LAMB1: variants seen among roughly 807,000 people sequenced by gnomAD.
LAMB1 encodes laminin subunit beta-1.
LAMB1 carries 121 observed loss-of-function variants against 222.3 expected under a neutral mutation model. That is an observed-to-expected ratio of 0.54 (90% CI 0.47 to 0.63). The LOEUF (loss-of-function observed/expected upper bound fraction) is 0.63, where lower values mean the gene tolerates loss of function less well. LAMB1 is among the 30% of genes least tolerant of loss of function. The probability of loss-of-function intolerance (pLI) is 0.00; values close to 1 mark genes in which losing one functional copy is unlikely to be tolerated. For missense variants in LAMB1, 2,172 were observed against 2,240.8 expected (o/e 0.97, Z 0.62); for synonymous variants, 794 against 807.2 (o/e 0.98, Z 0.28).
chr7:107,932,477 G>T, intron 27 of LAMB1, 100 bp from the exon 28 acceptor site: 1 of 1,136,442 alleles, frequency 8.8e-7, no homozygotes, highest in Non-Finnish European at 1.3e-6. Flanking sequence ...ATGTGTAGGT[G>T]GTCCTCAGCA....
intron 24 of LAMB1, among the ~76,000 whole-genome samples, chr7:107,950,050 T>C (rs2033207432): frequency 6.6e-6 from 1 of 152,072 alleles, no homozygotes; most frequent in Non-Finnish European, 1.5e-5. Flanking sequence ...ACCAATATGG[T>C]GAAACCCCAT....
At chr7:107,954,726 G>C (rs1421390734) in intron 21 of LAMB1, among the ~76,000 whole-genome samples, 1 of 152,178 alleles carries the variant, frequency 6.6e-6, no homozygotes, top group African/African-American at 2.4e-5. Flanking sequence ...GGGAGGCGGA[G>C]CTTGCAGTGA....
In LAMB1 at chr7:107,929,197, G is replaced by T. The variant is rs1020841982; in HGVS notation, c.4754C>A (p.Ala1585Glu). The T allele has an allele frequency of 6.2e-7, 1 of 1,613,900 alleles. No individual in the cohort carries two copies. Residue 1585 changes from alanine (A) to glutamate (E), a missense_variant, in exon 31 of 34, where the codon GCA (alanine) becomes GAA (glutamate). Transcript: ENST00000222399. The stretch of plus-strand genomic sequence containing the variant: ...ATCTGCAGTGACTTTAACATCTGTT[G>T]CACTTTTGCTGAGTAAAAAATAATG... The part of the protein sequence containing the change: ...LEEAKRASKS[A>E]TDVKVTADMV...
At chr7:107,937,327 A>G (rs1289789163) in intron 25 of LAMB1, 50 bp from the exon 26 acceptor site, 3 of 1,464,662 alleles carry the variant, frequency 2.0e-6, no homozygotes, top group African/African-American at 1.4e-5. Context: ...CCAAGGGAGA[A>G]CTTTCACGTT....
intron 15 of LAMB1, among the ~76,000 whole-genome samples, chr7:107,962,680 C>T (rs891843129): frequency 6.8e-6 from 1 of 146,502 alleles, no homozygotes; most frequent in African/African-American, 2.5e-5. Flanking sequence ...CACCACTGCA[C>T]TCCAGCCTGG....
chr7:107,975,979 A>G, intron 9 of LAMB1, 102 bp from the exon 10 acceptor site: 1 of 986,254 alleles, frequency 1.0e-6, no homozygotes, highest in Non-Finnish European at 1.5e-6. Flanking sequence ...GACTAAGTTC[A>G]GACAAAATGG....
chr7:107,938,626 G>A (rs2032906757), intron 25 of LAMB1, among the ~76,000 whole-genome samples: 1 of 152,228 alleles, frequency 6.6e-6, no homozygotes, highest in Non-Finnish European at 1.5e-5. Flanking sequence ...GGCTCTCAAA[G>A]GACACCAGAT....
rs184589757 is a variant in LAMB1, at chr7:107,953,685, G to A, written c.2924C>T (p.Pro975Leu). The A allele has an allele frequency of 2.5e-5, 40 of 1,614,164 alleles. No individual in the cohort carries two copies. Among genetic ancestry groups the A allele is most frequent in the Non-Finnish European group, 3.4e-5 (40 of 1,180,030 alleles). Residue 975 changes from proline (P) to leucine (L), a missense_variant, in exon 22 of 34, where the codon CCT becomes CTT. By Grantham distance (98) the Pro-to-Leu change is moderately conservative. Transcript: ENST00000222399. ...NPSEVGGSCQPCQCHNNIDTT... is the reference protein window; with the variant it reads ...NPSEVGGSCQLCQCHNNIDTT... ...GTCAATGTTGTTGTGACACTGGCAAGGCTGACACGACCCCCCAACTTCTGA... is the reference window on the plus strand; with the variant it reads ...GTCAATGTTGTTGTGACACTGGCAAAGCTGACACGACCCCCCAACTTCTGA...
chr7:107,973,705 G>T (rs1259744838), intron 12 of LAMB1, among the ~76,000 whole-genome samples: 1 of 152,134 alleles, frequency 6.6e-6, no homozygotes, highest in African/African-American at 2.4e-5. Flanking sequence ...GAGTGCAGTG[G>T]TGTGATCCCA....
At chr7:107,963,838 C>T (rs1036403151) in intron 14 of LAMB1, among the ~76,000 whole-genome samples, 9 of 152,216 alleles carry the variant, frequency 5.9e-5, no homozygotes, top group African/African-American at 2.2e-4. Flanking sequence ...GTGGCTCACG[C>T]CTGTAATCCC....
At chr7:107,995,775 T>C (rs1304254338) in intron 4 of LAMB1, among the ~76,000 whole-genome samples, 1 of 152,210 alleles carries the variant, frequency 6.6e-6, no homozygotes, top group Non-Finnish European at 1.5e-5. Context: ...CTTGCCACGC[T>C]TCTTGTGTTT....
chr7:107,995,042 ATT>A, intron 4 of LAMB1, 82 bp from the exon 5 acceptor site: 1 of 728,008 alleles, frequency 1.4e-6, no homozygotes, highest in Non-Finnish European at 2.3e-6. Flanking sequence ...TATTTTTTAA[ATT>A]ACTTTTATGT....
Position 108,001,407 on chromosome 7 carries a change from G to T in LAMB1, c.213+151C>A, listed in dbSNP as rs2034379925. On this transcript the variant is annotated intron_variant, in intron 3 of 33. Coordinates refer to ENST00000222399, the MANE Select transcript of LAMB1 (RefSeq NM_002291.3). ...CTGTGCAAACTGAGATGGGGCGAAA[G>T]GTTGAGCTACAAGCCTAATCCCGGG... The T allele has an allele frequency of 1.9e-5, 16 of 841,930 alleles. No homozygotes were observed. The South Asian group carries it at 2.9e-4, about 15-fold the overall frequency. The allele number at this position is 841,930 out of a possible 1,614,324, so 52.2% of individuals were successfully genotyped here.
rs1451358102 is a variant in LAMB1, at chr7:108,003,143, G to A, written c.-119C>T. ...CGCGAGCTCTCGCCCTGCTCCGGGAGCCCCCGAGCCCAAAGAAGGGAATTA... is the reference window on the plus strand; with the variant it reads ...CGCGAGCTCTCGCCCTGCTCCGGGAACCCCCGAGCCCAAAGAAGGGAATTA... On this transcript the variant is annotated 5_prime_UTR_variant, in exon 1 of 34. Coordinates refer to ENST00000222399, the MANE Select transcript of LAMB1 (RefSeq NM_002291.3). 1.6e-5 allele frequency: 10 copies of A among 639,472 alleles called. No homozygotes were observed. The highest frequency in any genetic ancestry group is 5.0e-6 in the Non-Finnish European group (2 of 399,518). The allele number at this position is 639,472 out of a possible 1,614,324, so 39.6% of individuals were successfully genotyped here.
intron 5 of LAMB1, among the ~76,000 whole-genome samples, chr7:107,989,263 T>G (rs532812895): frequency 6.6e-6 from 1 of 152,188 alleles, no homozygotes; most frequent in African/African-American, 2.4e-5. Context: ...ACCAACACAG[T>G]GATGCATTTT....
rs946952973 is a variant in LAMB1 at position 107,933,547 on chromosome 7, C to T, written c.4189-1170G>A. On this transcript the variant is annotated intron_variant, in intron 27 of 33. Coordinates refer to ENST00000222399, the MANE Select transcript of LAMB1 (RefSeq NM_002291.3). ...TAAAACCTCGGTTGCTTTCTAAAAA[C>T]AATCTGACAGCACACATAGAAGATC... Among the ~76,000 whole-genome samples the T allele has an allele frequency of 4.0e-5, 6 of 151,582 alleles. No individual in the cohort carries two copies. The South Asian group carries it at 1.2e-3, about 32-fold the overall frequency.
chr7:107,968,488 A>AG, intron 13 of LAMB1, among the ~76,000 whole-genome samples: 1 of 152,358 alleles, frequency 6.6e-6, no homozygotes, highest in South Asian at 2.1e-4. Flanking sequence ...ATTAAGGGTA[A>AG]GGACATCAAG....
rs762465458 is a variant in LAMB1 at position 107,955,588 on chromosome 7, T to C, written c.2733A>G (p.Gly911=). Residue 911 remains glycine, a synonymous_variant, in exon 21 of 34, where the codon GGA becomes GGG. Transcript: ENST00000222399. ...GYYGDPIIGS[G]DHCRPCPCPD... ...GGCAAGGGCAAGGGCGGCAGTGATC[T>C]CCTGACCCAATGATGGGGTCGCCAT... 3.7e-6 allele frequency: 6 copies of C among 1,613,854 alleles called. No individual in the cohort carries two copies. The East Asian group carries it at 1.3e-4, about 36-fold the overall frequency.
intron 25 of LAMB1, among the ~76,000 whole-genome samples, chr7:107,938,183 T>C (rs2032892382): frequency 6.6e-6 from 1 of 152,196 alleles, no homozygotes; most frequent in Non-Finnish European, 1.5e-5. Flanking sequence ...GTAAAGATGC[T>C]GAAAGGTTGG....
Sources: allele counts gnomAD v4.1 joint callset (sites outside exome capture counted in the v4.1 genomes callset), GRCh38; gene constraint gnomAD v4.1.1; transcripts MANE v1.5; gene names NCBI Gene and HGNC (gene_info 2026-07-23, HGNC 2026-07-21).